CERS3: variants seen among roughly 807,000 people sequenced by gnomAD.
The protein encoded by CERS3 is LAG1 homolog, ceramide synthase 3.
In CERS3, 33 loss-of-function variants were observed where a neutral mutation model predicts 50.3. The ratio of observed to expected loss-of-function variants is 0.66; its 90% confidence interval spans 0.50 to 0.88. The LOEUF is 0.88. CERS3 is among the 40% of genes least tolerant of loss of function. CERS3 has a pLI of 0.00. For synonymous variants in CERS3, 176 were observed against 155.2 expected, an observed-to-expected ratio of 1.13 and a Z score of -0.99; for missense variants, 470 against 460.3, an observed-to-expected ratio of 1.02 and a Z score of -0.19.
At chr15:100,407,873 A>T (rs1054006110) in intron 11 of CERS3, among the ~76,000 whole-genome samples, 4 of 152,204 alleles carry the variant, frequency 2.6e-5, no homozygotes, top group South Asian at 4.2e-4. Context: ...ATTTTTAAAA[A>T]TTATTTATTT....
chr15:100,417,027 C>A (rs1413889988), intron 11 of CERS3, among the ~76,000 whole-genome samples: 1 of 152,184 alleles, frequency 6.6e-6, no homozygotes, highest in Non-Finnish European at 1.5e-5. Context: ...CCAAGAGATA[C>A]CATTTCACAC....
At chr15:100,519,333 T>C (rs6598352) in intron 2 of CERS3, among the ~76,000 whole-genome samples, 95,819 of 151,920 alleles carry the variant, frequency 0.63, 30,427 homozygotes, top group Admixed American at 0.73. Context: ...GCAGCAGCTC[T>C]GGGTGCTGTG....
chr15:100,540,335 G>A (rs995240800), intron 1 of CERS3, among the ~76,000 whole-genome samples: 1 of 152,226 alleles, frequency 6.6e-6, no homozygotes, highest in Non-Finnish European at 1.5e-5. Context: ...CTGAGGTCAG[G>A]AGTTCGAGAC....
chr15:100,500,222 C>T (rs994591550), intron 3 of CERS3: 12 of 152,086 alleles, frequency 7.9e-5, no homozygotes, highest in Admixed American at 4.6e-4. Flanking sequence ...TTTTCTGCAG[C>T]GTCACAATGG....
At chr15:100,517,783 T>C (rs895313963) in intron 2 of CERS3, among the ~76,000 whole-genome samples, 1 of 152,128 alleles carries the variant, frequency 6.6e-6, no homozygotes, top group Non-Finnish European at 1.5e-5. Flanking sequence ...ATCCTAGTTC[T>C]TGGAGGAGGG....
At chr15:100,499,787 T>C (rs1360593950) in intron 3 of CERS3, among the ~76,000 whole-genome samples, 1 of 152,204 alleles carries the variant, frequency 6.6e-6, no homozygotes, top group Non-Finnish European at 1.5e-5. Flanking sequence ...CAAGAGACAT[T>C]TGTGTACTCT....
chr15:100,502,127 C>G (rs1315475136), intron 2 of CERS3, among the ~76,000 whole-genome samples: 1 of 151,764 alleles, frequency 6.6e-6, no homozygotes, highest in East Asian at 1.9e-4. Context: ...CACCTGTAGT[C>G]CCAGCAACTT....
chr15:100,421,439 C>T (rs1273020129), intron 11 of CERS3, among the ~76,000 whole-genome samples: 5 of 152,014 alleles, frequency 3.3e-5, no homozygotes, highest in African/African-American at 4.8e-5. Context: ...AAAGAGGATA[C>T]AAACAAATGG....
At chr15:100,476,527 G>C (rs948658920) in intron 7 of CERS3, among the ~76,000 whole-genome samples, 1 of 152,052 alleles carries the variant, frequency 6.6e-6, no homozygotes, top group African/African-American at 2.4e-5. Flanking sequence ...CTTTTCTGCT[G>C]GTCCTACAAT....
chr15:100,486,821 T>C (rs1215190921), intron 4 of CERS3, among the ~76,000 whole-genome samples: 1 of 152,208 alleles, frequency 6.6e-6, no homozygotes, highest in Non-Finnish European at 1.5e-5. Flanking sequence ...GGAGATTCAG[T>C]AGTGAGCAAA....
At chr15:100,515,801 A>G (rs1191342011) in intron 2 of CERS3, among the ~76,000 whole-genome samples, 1 of 152,214 alleles carries the variant, frequency 6.6e-6, no homozygotes, top group Non-Finnish European at 1.5e-5. Context: ...TGGCTGGGTA[A>G]GTAGGCAATG....
At chr15:100,525,679 T>C (rs1044942093) in intron 1 of CERS3, among the ~76,000 whole-genome samples, 7 of 152,230 alleles carry the variant, frequency 4.6e-5, no homozygotes, top group Admixed American at 4.6e-4. Flanking sequence ...TTGGGGTTTT[T>C]ATACATAAGC....
intron 11 of CERS3, among the ~76,000 whole-genome samples, chr15:100,434,147 G>A (rs565618146): frequency 2.0e-5 from 3 of 152,342 alleles, no homozygotes; most frequent in Non-Finnish European, 4.4e-5. Flanking sequence ...TCAGACTGAA[G>A]ACGTCCTAGA....
At chr15:100,495,162 G>C (rs1252407310) in intron 3 of CERS3, among the ~76,000 whole-genome samples, 1 of 152,188 alleles carries the variant, frequency 6.6e-6, no homozygotes, top group Non-Finnish European at 1.5e-5. Context: ...CCCTGATAAT[G>C]AGCTTTGAAG....
Position 100,505,508 on chromosome 15 carries a change from C to T in CERS3, c.-1-3658G>A, listed in dbSNP as rs141025787. On this transcript the variant is annotated intron_variant, in intron 2 of 11. Transcript: ENST00000679737. ...CAAACTGAGAAAGACAATAAATCTA[C>T]ATTCTTCACTCTTTCTTCATGTACT... is the stretch of plus-strand genomic sequence containing the variant. Among the ~76,000 whole-genome samples the T allele has an allele frequency of 4.1e-3, 620 of 152,342 alleles. 3 individuals carry two copies. The highest frequency in any genetic ancestry group is 0.014 in the African/African-American group (596 of 41,570).
chr15:100,501,387 T>C lies in CERS3; in HGVS notation c.173+290A>G, dbSNP rs1329193843. Among the ~76,000 whole-genome samples the C allele has an allele frequency of 3.9e-5, 6 of 152,232 alleles. No homozygotes were observed. In the East Asian group the frequency reaches 1.2e-3, roughly 29 times the overall value. ...GTAGATGAACTGGGTTCCCGTATTG[T>C]CATTGATACCAATAAGCTCTGTGGT... is the stretch of plus-strand genomic sequence containing the variant. On this transcript the variant is annotated intron_variant, in intron 3 of 11. Coordinates refer to ENST00000679737, the MANE Select transcript of CERS3 (RefSeq NM_001378789.1).
chr15:100,519,111 A>G (rs984619660), intron 2 of CERS3, among the ~76,000 whole-genome samples: 1 of 151,950 alleles, frequency 6.6e-6, no homozygotes, highest in African/African-American at 2.4e-5. Flanking sequence ...GTGAGCTGAG[A>G]TCGCGTCACT....
chr15:100,506,896 A>T (rs2036202018), intron 2 of CERS3, among the ~76,000 whole-genome samples: 1 of 152,200 alleles, frequency 6.6e-6, no homozygotes, highest in Admixed American at 6.5e-5. Flanking sequence ...ATACTAAAAA[A>T]TATTGCATTT....
At chr15:100,431,738 A>G (rs2033145733) in intron 11 of CERS3, among the ~76,000 whole-genome samples, 1 of 152,208 alleles carries the variant, frequency 6.6e-6, no homozygotes, top group Non-Finnish European at 1.5e-5. Flanking sequence ...AGGACTGTCA[A>G]AAATTCCAGT....
Sources: gnomAD v4.1 joint callset for allele counts (sites outside exome capture counted in the v4.1 genomes callset) on GRCh38, gnomAD v4.1.1 for gene constraint, MANE v1.5 for transcripts, NCBI Gene and HGNC (gene_info 2026-07-23, HGNC 2026-07-21) for gene names.